CDH2: variants seen among roughly 807,000 people sequenced by gnomAD.
CDH2 encodes the protein cadherin-2.
A neutral mutation model predicts 92.0 loss-of-function variants in CDH2; 17 were observed. That is an observed-to-expected ratio of 0.18 (90% confidence interval 0.13 to 0.28). CDH2 has a LOEUF of 0.28. CDH2 is among the 10% of genes least tolerant of loss of function. CDH2 has a pLI of 1.00. For synonymous variants in CDH2, 419 were observed against 415.9 expected (o/e 1.01, Z -0.09); for missense variants, 862 against 1,133.1 (o/e 0.76, Z 3.44).
intron 11 of CDH2, 116 bp from the exon 12 acceptor site, chr18:27,985,877 A>G (rs1482378206): frequency 1.6e-6 from 1 of 642,048 alleles, no homozygotes; most frequent in Non-Finnish European, 2.7e-6. Context: ...GTAACCTTGG[A>G]AAAACATAGT....
At chr18:28,101,591 A>G (rs921991086) in intron 2 of CDH2, among the ~76,000 whole-genome samples, 1 of 152,156 alleles carries the variant, frequency 6.6e-6, no homozygotes, top group African/African-American at 2.4e-5. Context: ...CACCAAGCTT[A>G]TTTCATACCT....
intron 2 of CDH2, among the ~76,000 whole-genome samples, chr18:28,136,544 AC>A (rs1315742956): frequency 6.6e-6 from 1 of 152,216 alleles, no homozygotes; most frequent in African/African-American, 2.4e-5. Flanking sequence ...AATAATGTAT[AC>A]AGACATGTTC....
intron 2 of CDH2, among the ~76,000 whole-genome samples, chr18:28,131,132 G>A (rs1253370091): frequency 6.6e-6 from 1 of 151,710 alleles, no homozygotes; most frequent in Non-Finnish European, 1.5e-5. Context: ...CACCAAAAAG[G>A]ACAAAAAAGA....
intron 2 of CDH2, among the ~76,000 whole-genome samples, chr18:28,074,111 A>G (rs2014673380): frequency 6.6e-6 from 1 of 152,188 alleles, no homozygotes; most frequent in African/African-American, 2.4e-5. Context: ...TAACAAAAAT[A>G]CTTAATGACA....
rs528063366 is a variant in CDH2 at position 27,951,007 on chromosome 18, G to A, written c.*1146C>T. 6.6e-6 allele frequency: 1 copy of A among 152,474 alleles called. No individual in the cohort carries two copies. The highest frequency in any genetic ancestry group is 2.1e-4 in the South Asian group (1 of 4,816). 9.4% of individuals were successfully genotyped at this position (152,474 alleles called of 1,614,324 possible). ...CATTTTATTCAGAACGCTGGGGTCAGAGGTGTATCATTTATATTCTGGTAC... is the reference window on the plus strand; with the variant it reads ...CATTTTATTCAGAACGCTGGGGTCAAAGGTGTATCATTTATATTCTGGTAC... On this transcript the variant is annotated 3_prime_UTR_variant, in exon 16 of 16. Transcript: ENST00000269141.
At chr18:28,166,176 C>CATATATATATATATATA (rs2016381812) in intron 1 of CDH2, among the ~76,000 whole-genome samples, 1 of 41,160 alleles carries the variant, frequency 2.4e-5, no homozygotes, top group East Asian at 1.6e-3. Flanking sequence ...ATATATATGT[C>CATATATATATATATATA]TGTATTTTAA....
chr18:28,107,276 T>C (rs1318387997), intron 2 of CDH2, among the ~76,000 whole-genome samples: 4 of 151,974 alleles, frequency 2.6e-5, no homozygotes, highest in African/African-American at 9.7e-5. Context: ...GTGAAGTCTG[T>C]AGTACTGTAG....
intron 2 of CDH2, among the ~76,000 whole-genome samples, chr18:28,071,085 A>C (rs2014608649): frequency 6.6e-6 from 1 of 151,968 alleles, no homozygotes; most frequent in African/African-American, 2.4e-5. Context: ...CTTTTCAGAG[A>C]GTGGCCTTGG....
rs149861149 is a variant in CDH2, at chr18:28,051,000, T to A, written c.173-37091A>T. 1.5e-3 allele frequency among the ~76,000 whole-genome samples: 229 copies of A among 152,308 alleles called. 2 individuals carry two copies. The highest frequency in any genetic ancestry group is 5.2e-3 in the African/African-American group (216 of 41,554). On this transcript the variant is annotated intron_variant, in intron 2 of 15. Transcript: ENST00000269141. ...CTTAACCAGGCATATTCCTAACTAA[T>A]CCATGTTACCAACTGAAAAGAAAAT...
rs71370785 is a variant in CDH2, at chr18:28,156,642, C to A, written c.61-8858G>T. Among the ~76,000 whole-genome samples the A allele has an allele frequency of 1.1e-3, 50 of 43,774 alleles. 3 individuals are homozygous for A. The highest frequency in any genetic ancestry group is 1.9e-3 in the South Asian group (2 of 1,032). The allele number at this position is 43,774 out of a possible 152,430, so 28.7% of individuals were successfully genotyped here. ...CAGCATGTCACCTTCCCAGGTGCAG[C>A]ATGTCACCTTCCCAGGTGCAGAATG... On this transcript the variant is annotated intron_variant, in intron 1 of 15. Transcript: ENST00000269141.
intron 2 of CDH2, among the ~76,000 whole-genome samples, chr18:28,073,974 T>A (rs1360848767): frequency 3.3e-5 from 5 of 152,174 alleles, no homozygotes; most frequent in South Asian, 2.1e-4. Flanking sequence ...TGTATTAATA[T>A]CATTAGCACG....
chr18:28,008,212 A>G (rs994579738), intron 5 of CDH2, among the ~76,000 whole-genome samples: 4 of 152,246 alleles, frequency 2.6e-5, no homozygotes, highest in Non-Finnish European at 5.9e-5. Flanking sequence ...ATTAGAAATT[A>G]GTCTAAGTAG....
rs67532914 is a variant in CDH2, at chr18:28,043,890, A to ATTTTTTTTTTTTTTTTTT, written c.173-29999_173-29982dup. The stretch of plus-strand genomic sequence containing the variant: ...AGTCTCATCTTTCTCAGAATCTCGG[A>ATTTTTTTTTTTTTTTTTT]TTTTTTTTTTTTTTTTTTTTTTTTT... On this transcript the variant is annotated intron_variant, in intron 2 of 15. Coordinates refer to ENST00000269141, the MANE Select transcript of CDH2 (RefSeq NM_001792.5). Among the ~76,000 whole-genome samples the ATTTTTTTTTTTTTTTTTT allele has an allele frequency of 1.3e-4, 12 of 91,450 alleles. 3 individuals carry two copies. The highest frequency in any genetic ancestry group is 2.6e-4 in the Non-Finnish European group (12 of 46,000). 60.0% of individuals were successfully genotyped at this position (91,450 alleles called of 152,430 possible). A position where few individuals can be genotyped will look rare whatever the true frequency, so the allele number is the denominator to read the frequency against.
chr18:28,153,066 G>A (rs1346865544), intron 1 of CDH2, among the ~76,000 whole-genome samples: 2 of 152,086 alleles, frequency 1.3e-5, no homozygotes, highest in African/African-American at 2.4e-5. Flanking sequence ...CAGAAAGAAT[G>A]GGATGATAAA....
intron 1 of CDH2, among the ~76,000 whole-genome samples, chr18:28,171,214 G>A (rs989111521): frequency 9.6e-5 from 14 of 145,334 alleles, no homozygotes; most frequent in South Asian, 2.2e-4. Context: ...CTGACAGAGC[G>A]AGACTGTCTT....
At chr18:28,172,289 T>C (rs1435116451) in intron 1 of CDH2, among the ~76,000 whole-genome samples, 1 of 152,066 alleles carries the variant, frequency 6.6e-6, no homozygotes, top group Non-Finnish European at 1.5e-5. Flanking sequence ...TTTCAAAAAG[T>C]CCCATTTAGC....
intron 9 of CDH2, among the ~76,000 whole-genome samples, chr18:27,991,129 A>G (rs913761733): frequency 1.3e-5 from 2 of 152,320 alleles, no homozygotes; most frequent in Middle Eastern, 3.4e-3. Flanking sequence ...CACTAGAAAT[A>G]TTACCAGGAG....
chr18:28,159,674 T>TG (rs1319582839), intron 1 of CDH2, among the ~76,000 whole-genome samples: 95 of 151,018 alleles, frequency 6.3e-4, no homozygotes, highest in Non-Finnish European at 1.1e-3. Context: ...TTTTTTTTTT[T>TG]GAAAGGGAGT....
At chr18:27,964,237 G>A (rs1307951617) in intron 14 of CDH2, among the ~76,000 whole-genome samples, 1 of 152,168 alleles carries the variant, frequency 6.6e-6, no homozygotes. Context: ...TGCCCTGTGG[G>A]AATGTCCTGG....
Sources: gnomAD v4.1 joint callset for allele counts (sites outside exome capture counted in the v4.1 genomes callset) on GRCh38, gnomAD v4.1.1 for gene constraint, MANE v1.5 for transcripts, NCBI Gene and HGNC (gene_info 2026-07-23, HGNC 2026-07-21) for gene names.